The following TMEM164 variants were observed in gnomAD, a reference collection of about 807,000 sequenced individuals.
TMEM164 encodes the protein RP13-360B22.2.
In TMEM164, 4 loss-of-function variants were observed where a neutral mutation model predicts 18.8. That is an observed-to-expected ratio of 0.21 (90% confidence interval 0.10 to 0.49). The LOEUF is 0.49. Among genes scored for constraint, TMEM164 ranks in the 20% least tolerant of loss-of-function variants. TMEM164 has a pLI of 0.98. For missense variants in TMEM164, 108 were observed against 239.9 expected, an observed-to-expected ratio of 0.45 and a Z score of 3.63; for synonymous variants, 86 against 101.7, an observed-to-expected ratio of 0.85 and a Z score of 0.93.
chrX:110,081,973 A>G (rs900127308), intron 3 of TMEM164: 3 of 112,622 alleles, frequency 2.7e-5, no homozygotes, highest in East Asian at 2.8e-4. Flanking sequence ...GATTCTCCAC[A>G]TGGTTCCCAT....
Position 110,173,279 on chromosome X carries a change from C to T in TMEM164, c.722C>T (p.Pro241Leu). 8.3e-7 allele frequency: 1 copy of T among 1,211,097 alleles called. No individual in the cohort carries two copies. The highest frequency in any genetic ancestry group is 1.1e-6 in the Non-Finnish European group (1 of 895,383). Residue 241 changes from proline (P) to leucine (L), a missense_variant, in exon 7 of 7, where the codon CCG (proline) becomes CTG (leucine). Pro to Leu is a moderately conservative substitution (Grantham distance 98, BLOSUM62 -3). Coordinates refer to ENST00000372068, the MANE Select transcript of TMEM164 (RefSeq NM_032227.4). ...TEVNLNNMLC[P>L]AISDPFYGPW... ...GTGAATTTGAACAACATGCTGTGTC[C>T]GGCCATCTCAGACCCATTCTACGGC... is the stretch of plus-strand genomic sequence containing the variant.
chrX:110,017,405 C>CCTTTCTTTCTTTGCTTCTTTCTTT, intron 2 of TMEM164, among the ~76,000 whole-genome samples: 1 of 15,273 alleles, frequency 6.5e-5, no homozygotes, highest in Non-Finnish European at 2.5e-4. Flanking sequence ...CCACCTCCTT[C>CCTTTCTTTCTTTGCTTCTTTCTTT]CTTTCTTTCT....
chrX:110,180,394 C>A (rs1490452068), downstream of TMEM164, among the ~76,000 whole-genome samples: 1 of 112,382 alleles, frequency 8.9e-6, no homozygotes, highest in East Asian at 2.8e-4. Flanking sequence ...CTGACAAATG[C>A]AATGGTTTAA....
intron 5 of TMEM164, among the ~76,000 whole-genome samples, chrX:110,165,755 T>C (rs111402949): frequency 0.05 from 5,606 of 111,552 alleles, 362 homozygotes; most frequent in African/African-American, 0.17. Flanking sequence ...TCATCTCTTC[T>C]CTAAATTACC....
intron 2 of TMEM164, among the ~76,000 whole-genome samples, chrX:110,053,132 G>A (rs758479125): frequency 9.0e-6 from 1 of 111,722 alleles, no homozygotes; most frequent in Admixed American, 9.5e-5. Flanking sequence ...TGGGAGATTT[G>A]CAGCAAAGAT....
At chrX:110,020,868 A>G (rs1321969745) in intron 2 of TMEM164, among the ~76,000 whole-genome samples, 4 of 110,292 alleles carry the variant, frequency 3.6e-5, no homozygotes, top group Non-Finnish European at 7.6e-5. Context: ...GCTTTTTAAA[A>G]GGAGGCTGAT....
intron 3 of TMEM164, among the ~76,000 whole-genome samples, chrX:110,081,690 A>G (rs1411297983): frequency 8.9e-6 from 1 of 112,755 alleles, no homozygotes; most frequent in Non-Finnish European, 1.9e-5. Flanking sequence ...ATGTCTCAGT[A>G]TACATGGATG....
rs2065984188 is a variant in TMEM164, at chrX:110,094,583, A to G, written c.441-14497A>G. 3.6e-5 allele frequency among the ~76,000 whole-genome samples: 4 copies of G among 111,660 alleles called. No individual in the cohort carries two copies. In the South Asian group the frequency reaches 1.1e-3, roughly 31 times the overall value. On this transcript the variant is annotated intron_variant, in intron 3 of 6. Coordinates refer to ENST00000372068, the MANE Select transcript of TMEM164 (RefSeq NM_032227.4). ...GATCCTGTGTCTGTCTCTGCACATG[A>G]GATGGGTCTCCTGAATACAGCACAC...
At chrX:110,005,791 G>C (rs191199634) in intron 2 of TMEM164, among the ~76,000 whole-genome samples, 201 of 111,823 alleles carry the variant, frequency 1.8e-3, no homozygotes, top group African/African-American at 6.4e-3. Context: ...CTCAGCCGAT[G>C]CTGTGTGAGG....
intron 4 of TMEM164, among the ~76,000 whole-genome samples, chrX:110,137,201 G>T (rs1455074559): frequency 9.0e-6 from 1 of 111,050 alleles, no homozygotes; most frequent in Non-Finnish European, 1.9e-5. Context: ...CATTCTCACC[G>T]ATTTATGAGC....
At chrX:110,013,992 C>T (rs775011434) in intron 2 of TMEM164, among the ~76,000 whole-genome samples, 3 of 111,675 alleles carry the variant, frequency 2.7e-5, no homozygotes, top group Non-Finnish European at 5.6e-5. Flanking sequence ...TACTTAACCT[C>T]TCTGAGCCTG....
intron 4 of TMEM164, among the ~76,000 whole-genome samples, chrX:110,120,947 A>G (rs775236485): frequency 4.5e-5 from 5 of 112,183 alleles, no homozygotes; most frequent in African/African-American, 1.6e-4. Flanking sequence ...CTGCCCTGCC[A>G]CTGGCTGGGG....
At chrX:110,009,452 G>T (rs1303618740) in intron 2 of TMEM164, among the ~76,000 whole-genome samples, 3 of 109,513 alleles carry the variant, frequency 2.7e-5, no homozygotes, top group African/African-American at 6.6e-5. Context: ...ATTTTTTTTT[G>T]TTTGTTTGTT....
At chrX:110,058,916 C>T (rs1935987576) in intron 2 of TMEM164, among the ~76,000 whole-genome samples, 1 of 109,831 alleles carries the variant, frequency 9.1e-6, no homozygotes, top group Non-Finnish European at 1.9e-5. Context: ...CAGGTGTGAG[C>T]CACCATGCTC....
At chrX:110,061,419 C>T (rs1936116423) in intron 2 of TMEM164, among the ~76,000 whole-genome samples, 1 of 111,866 alleles carries the variant, frequency 8.9e-6, no homozygotes, top group South Asian at 3.7e-4. Flanking sequence ...ATTCTTTAAC[C>T]ACTTGGCAAT....
intron 3 of TMEM164, among the ~76,000 whole-genome samples, chrX:110,108,067 G>GGTGT (rs1569332276): frequency 2.6e-5 from 1 of 39,049 alleles, no homozygotes; most frequent in Non-Finnish European, 5.0e-5. Flanking sequence ...TAGGAGGTAT[G>GGTGT]CTGTGTGTGT....
At chrX:110,022,176 T>G (rs1933913945) in intron 2 of TMEM164, among the ~76,000 whole-genome samples, 1 of 111,250 alleles carries the variant, frequency 9.0e-6, no homozygotes, top group Admixed American at 9.5e-5. Flanking sequence ...AAATGTGTTC[T>G]GAGCCTAAAC....
chrX:110,041,880 C>G lies in TMEM164; in HGVS notation c.391-25467C>G, dbSNP rs78752616. On this transcript the variant is annotated intron_variant, in intron 2 of 6. Transcript: ENST00000372068. ...AGATAGAGAATATTTCCACCACCCC[C>G]AAAGATTCCGCTGTGCCTTGATTGT... 1.3e-4 allele frequency among the ~76,000 whole-genome samples: 15 copies of G among 111,515 alleles called. No homozygotes were observed. The East Asian group carries it at 4.2e-3, about 31-fold the overall frequency.
rs2148142408 is a variant in TMEM164 at position 110,174,432 on chromosome X, A to G, written c.*981A>G. 1.2e-5 allele frequency: 1 copy of G among 86,492 alleles called. No individual in the cohort carries two copies. Among genetic ancestry groups the G allele is most frequent in the South Asian group, 6.9e-4 (1 of 1,447 alleles). The allele number at this position is 86,492 out of a possible 1,213,427, so 7.1% of individuals were successfully genotyped here. The stretch of plus-strand genomic sequence containing the variant: ...GCAGCTTCAGGGAAGAATGAGCTGG[A>G]ATTGGCTGGTTGGTTGGTTTTTGAG... On this transcript the variant is annotated 3_prime_UTR_variant, in exon 7 of 7. Coordinates refer to ENST00000372068, the MANE Select transcript of TMEM164 (RefSeq NM_032227.4).
Sources: allele counts gnomAD v4.1 joint callset (sites outside exome capture counted in the v4.1 genomes callset), GRCh38; gene constraint gnomAD v4.1.1; transcripts MANE v1.5; gene names NCBI Gene and HGNC (gene_info 2026-07-23, HGNC 2026-07-21).